Variants in NCKAP5 observed in about 807,000 individuals in gnomAD.
The protein encoded by NCKAP5 is NCK associated protein 5, also known as nck-associated protein 5.
A neutral mutation model predicts 167.0 loss-of-function variants in NCKAP5; 92 were observed. The observed-to-expected ratio is 0.55, with a 90% CI of 0.47 to 0.66. The LOEUF (loss-of-function observed/expected upper bound fraction) is 0.66. Among genes scored for constraint, NCKAP5 ranks in the 30% least tolerant of loss-of-function variants. The pLI is 0.00. For missense variants in NCKAP5, 2,378 were observed against 2,315.0 expected (o/e 1.03, Z -0.56); for synonymous variants, 891 against 877.4 (o/e 1.02, Z -0.27).
At chr2:132,714,001 C>T (rs1291153667) in intron 19 of NCKAP5, among the ~76,000 whole-genome samples, 1 of 152,202 alleles carries the variant, frequency 6.6e-6, no homozygotes, top group African/African-American at 2.4e-5. Context: ...CTGATCCAGC[C>T]TCACCATATT....
intron 3 of NCKAP5, among the ~76,000 whole-genome samples, chr2:133,499,483 C>T (rs1205833341): frequency 6.6e-6 from 1 of 152,176 alleles, no homozygotes; most frequent in South Asian, 2.1e-4. Context: ...ACCTCATCAG[C>T]GGGCATACCA....
chr2:133,326,062 G>A (rs1003633775), intron 3 of NCKAP5, among the ~76,000 whole-genome samples: 9 of 152,180 alleles, frequency 5.9e-5, no homozygotes, highest in Admixed American at 5.9e-4. Flanking sequence ...GAATCATGCA[G>A]CTCTCTTCTT....
At chr2:133,246,052 A>G (rs112440798) in intron 4 of NCKAP5, among the ~76,000 whole-genome samples, 8 of 152,286 alleles carry the variant, frequency 5.3e-5, no homozygotes, top group South Asian at 2.1e-4. Flanking sequence ...GAAAGGCCTC[A>G]TGGAAGAGAC....
chr2:132,881,630 A>C (rs528455332), intron 8 of NCKAP5, among the ~76,000 whole-genome samples: 19 of 128,816 alleles, frequency 1.5e-4, no homozygotes, highest in Admixed American at 5.7e-4. Flanking sequence ...GCTTCTCTGG[A>C]GCTCCCTCAT....
At chr2:133,334,737 C>T (rs544174262) in intron 3 of NCKAP5, among the ~76,000 whole-genome samples, 106 of 152,216 alleles carry the variant, frequency 7.0e-4, no homozygotes, top group African/African-American at 2.4e-3. Flanking sequence ...ACGGTGGAAT[C>T]GCAGTAATGA....
intron 16 of NCKAP5, among the ~76,000 whole-genome samples, 151 bp from the exon 17 acceptor site, chr2:132,732,202 A>G (rs1025279718): frequency 6.6e-6 from 1 of 150,520 alleles, no homozygotes; most frequent in Admixed American, 6.7e-5. Flanking sequence ...ACAGAAAACC[A>G]AACACCGCTT....
intron 4 of NCKAP5, among the ~76,000 whole-genome samples, chr2:133,264,062 G>A (rs2089055121): frequency 6.6e-6 from 1 of 152,202 alleles, no homozygotes; most frequent in African/African-American, 2.4e-5. Context: ...TCCACCTCCA[G>A]CAGTTCACCA....
chr2:133,022,419 C>T (rs1490611503), intron 6 of NCKAP5, among the ~76,000 whole-genome samples: 1 of 152,108 alleles, frequency 6.6e-6, no homozygotes, highest in Non-Finnish European at 1.5e-5. Context: ...CTGATTACTT[C>T]AAACTGAGGG....
chr2:133,302,996 T>A (rs1449259824), intron 4 of NCKAP5, 41 bp downstream of exon 4: 2 of 1,378,110 alleles, frequency 1.5e-6, no homozygotes, highest in African/African-American at 2.9e-5. Flanking sequence ...CTATAAAGGA[T>A]GCTACCTGAG....
At chr2:133,418,644 A>G (rs1689275586) in intron 3 of NCKAP5, among the ~76,000 whole-genome samples, 1 of 152,166 alleles carries the variant, frequency 6.6e-6, no homozygotes, top group African/African-American at 2.4e-5. Flanking sequence ...ACATCAAGCA[A>G]AACTGGGTGG....
intron 11 of NCKAP5, among the ~76,000 whole-genome samples, chr2:132,808,430 A>G (rs1448941914): frequency 6.6e-6 from 1 of 152,050 alleles, no homozygotes; most frequent in Non-Finnish European, 1.5e-5. Context: ...TACCAGTTCA[A>G]TCTCACTGCT....
intron 6 of NCKAP5, among the ~76,000 whole-genome samples, chr2:133,042,922 T>C (rs1343686118): frequency 6.6e-6 from 1 of 152,214 alleles, no homozygotes; most frequent in Non-Finnish European, 1.5e-5. Context: ...TTATCAAATA[T>C]GTCAAAAAAT....
At chr2:132,842,461 C>T (rs988074832) in intron 11 of NCKAP5, among the ~76,000 whole-genome samples, 3 of 151,820 alleles carry the variant, frequency 2.0e-5, no homozygotes, top group Non-Finnish European at 2.9e-5. Flanking sequence ...TTTCCTTTTC[C>T]CAATTTCTAA....
intron 19 of NCKAP5, among the ~76,000 whole-genome samples, chr2:132,676,826 G>C (rs1441898505): frequency 1.3e-5 from 2 of 152,142 alleles, no homozygotes; most frequent in Non-Finnish European, 2.9e-5. Flanking sequence ...TACAGGGTAG[G>C]TGCCATTAGT....
At chr2:133,538,904 T>G (rs1467628594) in intron 2 of NCKAP5, among the ~76,000 whole-genome samples, 277 of 149,944 alleles carry the variant, frequency 1.8e-3, no homozygotes, top group Middle Eastern at 6.9e-3. Context: ...CTAGTTTTTT[T>G]TTGGTTTTTT....
chr2:133,171,874 C>A (rs1308778157), intron 5 of NCKAP5, among the ~76,000 whole-genome samples: 1 of 152,164 alleles, frequency 6.6e-6, no homozygotes, highest in African/African-American at 2.4e-5. Context: ...TAAATATATA[C>A]ATGGATATAG....
intron 8 of NCKAP5, among the ~76,000 whole-genome samples, chr2:132,921,332 C>A (rs1309675620): frequency 6.6e-6 from 1 of 152,138 alleles, no homozygotes; most frequent in Non-Finnish European, 1.5e-5. Flanking sequence ...GGCCCTCAAT[C>A]CTGTAGATTC....
chr2:133,115,892 T>C (rs1030961821), intron 6 of NCKAP5, among the ~76,000 whole-genome samples: 8 of 146,632 alleles, frequency 5.5e-5, no homozygotes, highest in African/African-American at 1.7e-4. Context: ...TTTCCGGTGA[T>C]TGATTATTTT....
At chr2:133,320,652 C>T (rs1160615869) in intron 3 of NCKAP5, among the ~76,000 whole-genome samples, 3 of 151,530 alleles carry the variant, frequency 2.0e-5, no homozygotes, top group Non-Finnish European at 2.9e-5. Context: ...GGTGTGAACC[C>T]GGAAGGCGGA....
Sources: gnomAD v4.1 joint callset for allele counts (sites outside exome capture counted in the v4.1 genomes callset) on GRCh38, gnomAD v4.1.1 for gene constraint, MANE v1.5 for transcripts, NCBI Gene and HGNC (gene_info 2026-07-23, HGNC 2026-07-21) for gene names.